The following ARID1B variants were observed in gnomAD, a reference collection of about 807,000 sequenced individuals.
ARID1B encodes AT-rich interactive domain-containing protein 1B.
A neutral mutation model predicts 212.3 loss-of-function variants in ARID1B; 30 were observed. The observed-to-expected ratio is 0.14, with a 90% CI of 0.11 to 0.19. The LOEUF is 0.19. ARID1B is among the 10% of genes least tolerant of loss of function. ARID1B has a pLI of 1.00. For synonymous variants in ARID1B, 1,402 were observed against 1,301.7 expected (o/e 1.08, Z -1.66); for missense variants, 2,891 against 3,204.0 (o/e 0.90, Z 2.36).
intron 3 of ARID1B, among the ~76,000 whole-genome samples, chr6:156,919,151 G>T (rs1475178749): frequency 6.6e-6 from 1 of 152,142 alleles, no homozygotes; most frequent in African/African-American, 2.4e-5. Context: ...GTAGTTAGTT[G>T]CAACTATGTC....
chr6:157,004,105 A>G (rs376944027), intron 4 of ARID1B, among the ~76,000 whole-genome samples: 2 of 152,092 alleles, frequency 1.3e-5, no homozygotes, highest in African/African-American at 4.8e-5. Flanking sequence ...AGGTCTGGCT[A>G]TATTGCCCAG....
chr6:157,136,065 T>C (rs559165535), intron 7 of ARID1B, among the ~76,000 whole-genome samples: 1 of 152,324 alleles, frequency 6.6e-6, no homozygotes, highest in Non-Finnish European at 1.5e-5. Flanking sequence ...TTATTGAACA[T>C]GTTACTATGT....
At chr6:157,072,103 C>T (rs1353257114) in intron 4 of ARID1B, 1 of 152,132 alleles carries the variant, frequency 6.6e-6, no homozygotes, top group East Asian at 1.9e-4. Context: ...TTGTATATGT[C>T]TTCATTAAGT....
intron 3 of ARID1B, among the ~76,000 whole-genome samples, chr6:156,923,706 T>C (rs575051384): frequency 2.2e-4 from 32 of 144,170 alleles, no homozygotes; most frequent in Middle Eastern, 3.6e-3. Context: ...TTGATTCTCT[T>C]TTTTTTTTTT....
At chr6:156,872,950 C>G (rs920868298) in intron 2 of ARID1B, among the ~76,000 whole-genome samples, 7 of 152,182 alleles carry the variant, frequency 4.6e-5, no homozygotes, top group Admixed American at 2.6e-4. Context: ...CCCTCCTGCT[C>G]TGAGGCTACT....
intron 11 of ARID1B, among the ~76,000 whole-genome samples, chr6:157,178,023 C>A (rs1792223039): frequency 6.6e-6 from 1 of 152,164 alleles, no homozygotes; most frequent in Non-Finnish European, 1.5e-5. Flanking sequence ...GCGCTCTGTT[C>A]AGACACTAAA....
chr6:157,184,560 CT>C (rs1181166878), intron 13 of ARID1B, 125 bp downstream of exon 13: 1 of 1,134,126 alleles, frequency 8.8e-7, no homozygotes, highest in South Asian at 1.4e-5. Context: ...TGGGGGGTTC[CT>C]GTGTCGTTTT....
chr6:157,130,466 T>G (rs961078191), intron 6 of ARID1B, among the ~76,000 whole-genome samples: 2 of 152,212 alleles, frequency 1.3e-5, no homozygotes, highest in Admixed American at 1.3e-4. Context: ...TCATAGTAAT[T>G]TTAGTGCTCT....
intron 7 of ARID1B, among the ~76,000 whole-genome samples, chr6:157,146,451 A>C (rs1268393630): frequency 6.6e-6 from 1 of 152,110 alleles, no homozygotes; most frequent in African/African-American, 2.4e-5. Flanking sequence ...TCAGCTCCAG[A>C]AGTGCTCATT....
chr6:157,174,062 C>G lies in ARID1B; in HGVS notation c.3290C>G (p.Pro1097Arg). The G allele has an allele frequency of 6.2e-7, 1 of 1,614,140 alleles. No homozygotes were observed. The highest frequency in any genetic ancestry group is 8.5e-7 in the Non-Finnish European group (1 of 1,180,016). ...MSPGESKLPL[P>R]LKADGKEEGT... Reference sequence around the variant, plus strand: ...CCTGGTGAATCCAAACTGCCCCTGCCTCTCAAAGCAGACGGCAAAGAAGAA... The same window carrying G: ...CCTGGTGAATCCAAACTGCCCCTGCGTCTCAAAGCAGACGGCAAAGAAGAA... Residue 1097 changes from proline (P) to arginine (R), a missense_variant, in exon 10 of 20, where the codon CCT (proline) becomes CGT (arginine). Pro to Arg is a moderately radical substitution (Grantham distance 103, BLOSUM62 -2). Around this residue, in one of 7 missense-constraint regions of ARID1B, gnomAD observed 1,643 missense variants for 1,544.0 expected, o/e 1.06. Coordinates refer to ENST00000636930, the MANE Select transcript of ARID1B (RefSeq NM_001374828.1).
intron 4 of ARID1B, chr6:157,024,291 A>G (rs1780515255): frequency 6.6e-6 from 1 of 152,238 alleles, no homozygotes. Flanking sequence ...AACATAAATG[A>G]ATCTTACTGC....
Position 157,100,629 on chromosome 6 carries a change from A to G in ARID1B, c.2492-9843A>G, listed in dbSNP as rs370515822. 2.2e-4 allele frequency among the ~76,000 whole-genome samples: 34 copies of G among 152,336 alleles called. 1 individual carries two copies. The South Asian group carries it at 6.8e-3, about 31-fold the overall frequency. Reference sequence around the variant, plus strand: ...TTGTTGAATGTATGGATTATCAAAAATGTATTTTTCATTTACACCATTAGG... The same window carrying G: ...TTGTTGAATGTATGGATTATCAAAAGTGTATTTTTCATTTACACCATTAGG... On this transcript the variant is annotated intron_variant, in intron 5 of 19. Coordinates refer to ENST00000636930, the MANE Select transcript of ARID1B (RefSeq NM_001374828.1).
chr6:156,829,934 T>A (rs1783027870), intron 2 of ARID1B, among the ~76,000 whole-genome samples: 1 of 152,250 alleles, frequency 6.6e-6, no homozygotes, highest in Non-Finnish European at 1.5e-5. Context: ...GGTTTCTGTA[T>A]TTCATATAAG....
In ARID1B at chr6:157,159,953, T is replaced by A. The variant is rs142781782; in HGVS notation, c.3090-7087T>A. On this transcript the variant is annotated intron_variant, in intron 8 of 19. Coordinates refer to ENST00000636930, the MANE Select transcript of ARID1B (RefSeq NM_001374828.1). ...CAAAACAATATTCTTCTTTGCCCATTCTTAAAGGAAGAAAATAAAATGTAA... is the reference window on the plus strand; with the variant it reads ...CAAAACAATATTCTTCTTTGCCCATACTTAAAGGAAGAAAATAAAATGTAA... 3.3e-5 allele frequency among the ~76,000 whole-genome samples: 5 copies of A among 152,360 alleles called. No individual in the cohort carries two copies. The East Asian group carries it at 9.6e-4, about 29-fold the overall frequency.
chr6:157,037,949 A>G (rs1279781102), intron 4 of ARID1B, among the ~76,000 whole-genome samples: 9 of 152,226 alleles, frequency 5.9e-5, no homozygotes, highest in Non-Finnish European at 7.3e-5. Flanking sequence ...TAGAGAACAC[A>G]AGAGGAAGAA....
intron 1 of ARID1B, among the ~76,000 whole-genome samples, chr6:156,811,796 T>G (rs1289466374): frequency 6.6e-6 from 1 of 152,190 alleles, no homozygotes; most frequent in Admixed American, 6.5e-5. Flanking sequence ...TGTAGGAATT[T>G]TGGTGGGGGA....
At chr6:157,039,652 T>A (rs997052707) in intron 4 of ARID1B, among the ~76,000 whole-genome samples, 5 of 73,976 alleles carry the variant, frequency 6.8e-5, no homozygotes, top group African/African-American at 2.5e-4. Context: ...CTTCTTTCCT[T>A]CCTTCCTTCC....
chr6:156,929,956 C>T (rs1791566170), intron 3 of ARID1B, among the ~76,000 whole-genome samples: 1 of 152,036 alleles, frequency 6.6e-6, no homozygotes, highest in Non-Finnish European at 1.5e-5. Context: ...CCCACTCATC[C>T]CCTGCTCTGG....
At chr6:156,853,799 C>T (rs767053190) in intron 2 of ARID1B, among the ~76,000 whole-genome samples, 6 of 152,114 alleles carry the variant, frequency 3.9e-5, no homozygotes, top group Admixed American at 6.5e-5. Context: ...TACAGTGGCA[C>T]GACCACGGCT....
Sources: gnomAD v4.1 joint callset for allele counts (sites outside exome capture counted in the v4.1 genomes callset) on GRCh38, gnomAD v4.1.1 for gene constraint, gnomAD v4.1.1 regional missense constraint, MANE v1.5 for transcripts, NCBI Gene and HGNC (gene_info 2026-07-23, HGNC 2026-07-21) for gene names.